Variants in CEACAM1 observed in about 807,000 individuals in gnomAD.
The protein encoded by CEACAM1 is cell adhesion molecule CEACAM1.
Under a neutral mutation model 49.1 loss-of-function variants are expected in CEACAM1, and 31 were observed. The ratio of observed to expected loss-of-function variants is 0.63; its 90% CI spans 0.47 to 0.85. The LOEUF (loss-of-function observed/expected upper bound fraction) is 0.85. CEACAM1 is among the 40% of genes least tolerant of loss of function. The pLI, the probability that CEACAM1 is intolerant of heterozygous loss-of-function variation, is 0.00. For synonymous variants in CEACAM1, 244 were observed against 247.8 expected (o/e 0.98, Z 0.14); for missense variants, 570 against 645.3 (o/e 0.88, Z 1.26).
intron 8 of CEACAM1, among the ~76,000 whole-genome samples, chr19:42,509,989 G>A (rs1600209093): frequency 1.3e-5 from 2 of 152,042 alleles, no homozygotes; most frequent in Non-Finnish European, 2.9e-5. Context: ...TGCTTACCTG[G>A]GTGTGTTCAA....
At chr19:42,522,283 A>AT (rs2041771810) in intron 2 of CEACAM1, 81 bp from the exon 3 acceptor site, 8 of 1,555,514 alleles carry the variant, frequency 5.1e-6, no homozygotes, top group African/African-American at 1.4e-5. Flanking sequence ...TTATTTATTT[A>AT]TTTTTTTTGG....
chr19:42,509,248 A>T lies in CEACAM1; in HGVS notation c.1462-20T>A, dbSNP rs374751131. On this transcript the variant is annotated intron_variant, in intron 8 of 8. Coordinates refer to ENST00000161559, the MANE Select transcript of CEACAM1 (RefSeq NM_001712.5). Reference sequence around the variant, plus strand: ...ATTCATCTGAAAAGCACAAATAATGATCAGTTAAGTCAGTGACACAGGGCA... The same window carrying T: ...ATTCATCTGAAAAGCACAAATAATGTTCAGTTAAGTCAGTGACACAGGGCA... 6.3e-7 allele frequency: 1 copy of T among 1,593,942 alleles called. No homozygotes were observed. The highest frequency in any genetic ancestry group is 1.7e-5 in the Admixed American group (1 of 58,624).
intron 5 of CEACAM1, among the ~76,000 whole-genome samples, chr19:42,512,741 GA>G (rs1418625456): frequency 6.7e-6 from 1 of 148,782 alleles, no homozygotes; most frequent in African/African-American, 2.5e-5. Context: ...GCAGTAGCAT[GA>G]TCTTGGCTCA....
At chr19:42,526,104 C>A (rs1025759019) in intron 2 of CEACAM1, among the ~76,000 whole-genome samples, 6 of 152,040 alleles carry the variant, frequency 3.9e-5, no homozygotes, top group African/African-American at 1.4e-4. Flanking sequence ...TACAGGCACG[C>A]ACCACCATGC....
intron 2 of CEACAM1, among the ~76,000 whole-genome samples, chr19:42,523,540 C>T (rs1303009949): frequency 1.3e-5 from 2 of 152,168 alleles, no homozygotes; most frequent in South Asian, 4.1e-4. Flanking sequence ...TCCCTTTTCC[C>T]CCTGAAAAGA....
chr19:42,520,100 C>T (rs773155293), intron 4 of CEACAM1, among the ~76,000 whole-genome samples: 5 of 152,322 alleles, frequency 3.3e-5, no homozygotes, highest in Non-Finnish European at 7.3e-5. Context: ...GAAGGAGATT[C>T]CTAGAGTAGG....
At chr19:42,512,070 TC>T (rs2041471352) in intron 6 of CEACAM1, among the ~76,000 whole-genome samples, 1 of 152,176 alleles carries the variant, frequency 6.6e-6, no homozygotes, top group South Asian at 2.1e-4. Flanking sequence ...TTGTTTTCCT[TC>T]TTAGACCTTG....
Position 42,528,459 on chromosome 19 carries a change from TG to T in CEACAM1, c.-86del, listed in dbSNP as rs1377970313. 4 of 1,342,460 alleles carry T rather than the reference TG, an allele frequency of 3.0e-6. No homozygotes were observed. In the African/African-American group the frequency reaches 5.7e-5, roughly 19 times the overall value. The allele number at this position is 1,342,460 out of a possible 1,614,324, so 83.2% of individuals were successfully genotyped here. On this transcript the variant is annotated 5_prime_UTR_variant, in exon 1 of 9. Transcript: ENST00000161559. ...TCGAGCACGGCTGCTCTGTCACCTCTGCTGTTTTCCACTCTCTGTGCTGAGC... is the reference window on the plus strand; with the variant it reads ...TCGAGCACGGCTGCTCTGTCACCTCTCTGTTTTCCACTCTCTGTGCTGAGC...
chr19:42,520,237 C>G (rs1037663594), intron 4 of CEACAM1, among the ~76,000 whole-genome samples: 1 of 152,260 alleles, frequency 6.6e-6, no homozygotes, highest in African/African-American at 2.4e-5. Context: ...GTGGGTCACT[C>G]GCTGTGCTCT....
At chr19:42,514,365 A>G (rs143911700) in intron 5 of CEACAM1, among the ~76,000 whole-genome samples, 313 of 152,236 alleles carry the variant, frequency 2.1e-3, no homozygotes, top group Middle Eastern at 0.014. Context: ...TCCCGACCTC[A>G]GGTGACCCGC....
At chr19:42,526,957 C>G in intron 2 of CEACAM1, 84 bp downstream of exon 2, 15 of 1,558,568 alleles carry the variant, frequency 9.6e-6, no homozygotes, top group Non-Finnish European at 1.3e-5. Flanking sequence ...GAGGAGGACA[C>G]AGGCACAGCC....
At chr19:42,512,585 G>T in intron 5 of CEACAM1, 106 bp from the exon 6 acceptor site, 1 of 1,156,034 alleles carries the variant, frequency 8.7e-7, no homozygotes. Context: ...TTCCTTCAAG[G>T]AATACAGTTT....
intron 4 of CEACAM1, chr19:42,521,001 A>G: frequency 2.2e-6 from 1 of 465,044 alleles, no homozygotes; most frequent in South Asian, 3.3e-5. Context: ...CCCCTCTGTG[A>G]AGCCCCTCCT....
intron 8 of CEACAM1, 43 bp downstream of exon 8, chr19:42,510,846 A>T: frequency 6.4e-7 from 1 of 1,561,598 alleles, no homozygotes; most frequent in Non-Finnish European, 8.8e-7. Flanking sequence ...ACACAGAATC[A>T]TTTCCATGAG....
intron 5 of CEACAM1, among the ~76,000 whole-genome samples, chr19:42,517,925 CCTAA>C (rs1355943285): frequency 7.9e-5 from 12 of 152,138 alleles, no homozygotes; most frequent in African/African-American, 2.7e-4. Context: ...GTGGAAGCAA[CCTAA>C]CTGTCCATAG....
chr19:42,521,233 A>G (rs751596811), intron 4 of CEACAM1, 34 bp downstream of exon 4: 5 of 1,607,622 alleles, frequency 3.1e-6, no homozygotes, highest in Admixed American at 3.3e-5. Flanking sequence ...CTTGTACCCC[A>G]GATCTTAGTG....
rs778338809 is a variant in CEACAM1, at chr19:42,522,098, G to C, written c.529C>G (p.Leu177Val). ...AGGCTCTGATTGTTTATCCACCACA[G>C]GTAGGTTGTGTCCTGAGTCTCAGGT... ...CEPETQDTTY[L>V]WWINNQSLPV... The change falls in exon 3 of 9, where the codon CTG (leucine) becomes GTG (valine). Residue 177 changes from leucine to valine, a missense_variant. By Grantham distance (32) the Leu-to-Val change is conservative. Transcript: ENST00000161559. The C allele has an allele frequency of 2.5e-6, 4 of 1,614,196 alleles. No individual in the cohort carries two copies. The highest frequency in any genetic ancestry group is 1.7e-5 in the Admixed American group (1 of 60,016).
intron 2 of CEACAM1, chr19:42,525,941 C>T (rs2041878931): frequency 6.6e-6 from 1 of 152,014 alleles, no homozygotes; most frequent in South Asian, 2.1e-4. Context: ...GGGAGCTGCC[C>T]AAATAAACAA....
intron 1 of CEACAM1, chr19:42,527,837 C>T (rs1256593606): frequency 2.0e-5 from 4 of 195,350 alleles, no homozygotes; most frequent in Non-Finnish European, 3.1e-5. Flanking sequence ...CCCATGAGAG[C>T]GTGAGCTCCG....
Sources: allele counts gnomAD v4.1 joint callset (sites outside exome capture counted in the v4.1 genomes callset), GRCh38; gene constraint gnomAD v4.1.1; transcripts MANE v1.5; gene names NCBI Gene and HGNC (gene_info 2026-07-23, HGNC 2026-07-21).